The following CCDC102B variants were observed in gnomAD, a reference collection of about 807,000 sequenced individuals.
The protein encoded by CCDC102B is coiled-coil domain containing 102B, also known as coiled-coil domain-containing protein 102B.
A neutral mutation model predicts 57.4 loss-of-function variants in CCDC102B; 75 were observed. The observed-to-expected ratio is 1.31, with a 90% CI of 1.08 to 1.58. The LOEUF (loss-of-function observed/expected upper bound fraction) is 1.58, where lower values mean the gene tolerates loss of function less well. Among genes scored for constraint, CCDC102B ranks in the 40% most tolerant of loss-of-function variants. The probability of loss-of-function intolerance (pLI) is 0.00; values close to 1 mark genes in which losing one functional copy is unlikely to be tolerated. For missense variants in CCDC102B, 636 were observed against 582.6 expected, an observed-to-expected ratio of 1.09 and a Z score of -0.94; for synonymous variants, 206 against 201.9, an observed-to-expected ratio of 1.02 and a Z score of -0.17.
intron 2 of CCDC102B, among the ~76,000 whole-genome samples, chr18:68,723,321 C>G (rs189249932): frequency 2.6e-5 from 4 of 152,080 alleles, no homozygotes; most frequent in African/African-American, 9.7e-5. Flanking sequence ...TGCCCCTTGC[C>G]CCTCCCAAAT....
chr18:68,905,401 T>C (rs2040591454), intron 6 of CCDC102B, among the ~76,000 whole-genome samples: 3 of 150,862 alleles, frequency 2.0e-5, no homozygotes. Context: ...TATTTAAAAT[T>C]AAAACTAAAA....
intron 6 of CCDC102B, among the ~76,000 whole-genome samples, chr18:68,952,793 C>T (rs964125936): frequency 6.6e-6 from 1 of 152,128 alleles, no homozygotes; most frequent in African/African-American, 2.4e-5. Flanking sequence ...AACTGTTACA[C>T]ATTGTTGGGA....
intron 2 of CCDC102B, among the ~76,000 whole-genome samples, chr18:68,728,787 T>C (rs1192631437): frequency 6.6e-6 from 1 of 152,192 alleles, no homozygotes; most frequent in Non-Finnish European, 1.5e-5. Flanking sequence ...TATCTGGAAT[T>C]GGATGAGAAG....
intron 7 of CCDC102B, among the ~76,000 whole-genome samples, chr18:69,024,490 A>G (rs1233045902): frequency 6.6e-6 from 1 of 152,114 alleles, no homozygotes; most frequent in Admixed American, 6.5e-5. Context: ...GAAATATCAT[A>G]CAATAAAATA....
chr18:68,779,255 A>C (rs1282523350), intron 2 of CCDC102B, among the ~76,000 whole-genome samples: 1 of 152,128 alleles, frequency 6.6e-6, no homozygotes, highest in Non-Finnish European at 1.5e-5. Context: ...AAATTATGAG[A>C]TGTATAGTCC....
At chr18:68,872,078 AT>A (rs372267931) in intron 4 of CCDC102B, among the ~76,000 whole-genome samples, 4,477 of 152,298 alleles carry the variant, frequency 0.029, 96 homozygotes, top group East Asian at 0.048. Context: ...TAAAGAACAT[AT>A]TCAATAATTT....
intron 2 of CCDC102B, among the ~76,000 whole-genome samples, chr18:68,736,006 A>T (rs1305831074): frequency 6.6e-6 from 1 of 152,208 alleles, no homozygotes; most frequent in Non-Finnish European, 1.5e-5. Flanking sequence ...TTGAGAGATC[A>T]ACTCTTCATT....
At chr18:68,950,477 G>A (rs2049665526) in intron 6 of CCDC102B, among the ~76,000 whole-genome samples, 1 of 152,076 alleles carries the variant, frequency 6.6e-6, no homozygotes, top group South Asian at 2.1e-4. Flanking sequence ...ATAATATTAT[G>A]TAGACCCAAT....
At chr18:68,844,831 A>G (rs959808623) in intron 3 of CCDC102B, among the ~76,000 whole-genome samples, 1 of 151,932 alleles carries the variant, frequency 6.6e-6, no homozygotes, top group Non-Finnish European at 1.5e-5. Flanking sequence ...TCAGCTGGCT[A>G]GGTTTACTTT....
At chr18:68,963,225 G>T (rs1166601841) in intron 6 of CCDC102B, among the ~76,000 whole-genome samples, 3 of 151,902 alleles carry the variant, frequency 2.0e-5, no homozygotes, top group African/African-American at 4.8e-5. Context: ...ATAAAATTCA[G>T]AGCAAAAATC....
intron 2 of CCDC102B, among the ~76,000 whole-genome samples, chr18:68,756,398 A>G (rs923492181): frequency 2.6e-5 from 4 of 152,160 alleles, no homozygotes; most frequent in Non-Finnish European, 5.9e-5. Flanking sequence ...ATAACAGATA[A>G]GGAAGAGATT....
At chr18:68,826,372 C>A (rs1022252536) in intron 1 of CCDC102B, among the ~76,000 whole-genome samples, 2 of 152,182 alleles carry the variant, frequency 1.3e-5, no homozygotes, top group African/African-American at 4.8e-5. Flanking sequence ...CATTTCCTTG[C>A]CACGTGGGCC....
At chr18:68,894,009 T>G (rs2145004788) in intron 5 of CCDC102B, among the ~76,000 whole-genome samples, 1 of 152,168 alleles carries the variant, frequency 6.6e-6, no homozygotes, top group Admixed American at 6.6e-5. Context: ...TTTTCTGCCT[T>G]ATTAAACTTC....
At chr18:68,833,026 G>A (rs1463693002) in intron 1 of CCDC102B, among the ~76,000 whole-genome samples, 1 of 152,152 alleles carries the variant, frequency 6.6e-6, no homozygotes, top group Non-Finnish European at 1.5e-5. Flanking sequence ...TAATTTAATA[G>A]GAGATATTTT....
chr18:68,889,745 GTGT>G (rs1249533554), intron 5 of CCDC102B, among the ~76,000 whole-genome samples: 5 of 152,040 alleles, frequency 3.3e-5, no homozygotes, highest in Non-Finnish European at 7.4e-5. Context: ...GGCCAAATTA[GTGT>G]TGTTTTAAGC....
At chr18:68,798,305 G>A in intron 1 of CCDC102B, 124 bp downstream of exon 1, 1 of 152,128 alleles carries the variant, frequency 6.6e-6, no homozygotes, top group South Asian at 2.1e-4. Flanking sequence ...AACTACTGTA[G>A]AGCTGGGAAG....
chr18:69,012,106 A>G (rs2051533917), intron 7 of CCDC102B, among the ~76,000 whole-genome samples: 1 of 152,094 alleles, frequency 6.6e-6, no homozygotes. Context: ...TTTTATGAAG[A>G]TATATATGTA....
chr18:68,872,855 A>T (rs550195242), intron 4 of CCDC102B, among the ~76,000 whole-genome samples: 3 of 152,068 alleles, frequency 2.0e-5, no homozygotes, highest in African/African-American at 7.2e-5. Context: ...AATGATATGG[A>T]TTTATTTGAG....
At chr18:68,913,663 A>AG (rs1323573974) in intron 6 of CCDC102B, among the ~76,000 whole-genome samples, 2 of 151,224 alleles carry the variant, frequency 1.3e-5, no homozygotes, top group Non-Finnish European at 3.0e-5. Context: ...TCAAAAGAAA[A>AG]AAAAAAAAGC....
Sources: allele counts gnomAD v4.1 joint callset (sites outside exome capture counted in the v4.1 genomes callset), GRCh38; gene constraint gnomAD v4.1.1; transcripts MANE v1.5; gene names NCBI Gene and HGNC (gene_info 2026-07-23, HGNC 2026-07-21).